TTC21A: variants seen among roughly 807,000 people sequenced by gnomAD.
TTC21A encodes tetratricopeptide repeat domain 21A, also known as tetratricopeptide repeat protein 21A.
A neutral mutation model predicts 156.4 loss-of-function variants in TTC21A; 128 were observed. The observed-to-expected ratio is 0.82, with a 90% CI of 0.71 to 0.95. The LOEUF (loss-of-function observed/expected upper bound fraction) is 0.95, where lower values mean the gene tolerates loss of function less well. Among genes scored for constraint, TTC21A ranks in the 40% least tolerant of loss-of-function variants. TTC21A has a pLI of 0.00. For synonymous variants in TTC21A, 587 were observed against 617.1 expected, an observed-to-expected ratio of 0.95 and a Z score of 0.72; for missense variants, 1,435 against 1,602.3, an observed-to-expected ratio of 0.90 and a Z score of 1.78.
Position 39,130,549 on chromosome 3 carries a change from G to A in TTC21A, c.2320-152G>A, listed in dbSNP as rs1174641443. 1.8e-6 allele frequency: 2 copies of A among 1,094,720 alleles called. No individual in the cohort carries two copies. Among genetic ancestry groups the A allele is most frequent in the South Asian group, 1.5e-5 (1 of 67,834 alleles). 67.8% of individuals were successfully genotyped at this position (1,094,720 alleles called of 1,614,324 possible). A position where few individuals can be genotyped will look rare whatever the true frequency, so the allele number is the denominator to read the frequency against. The stretch of plus-strand genomic sequence containing the variant: ...CTGACCACACCTGCTTAAGCTGAGG[G>A]TTACACCCTGTGCCAGCTGGGAGGA... On this transcript the variant is annotated intron_variant, in intron 17 of 28. Coordinates refer to ENST00000683103, the MANE Select transcript of TTC21A (RefSeq NM_001366900.1). The surrounding 1 kb of genome is among the most constrained non-coding windows in gnomAD (Gnocchi z 4.5).
chr3:39,137,720 C>T lies in TTC21A; in HGVS notation c.3675+10C>T. 6.3e-7 allele frequency: 1 copy of T among 1,599,426 alleles called. No homozygotes were observed. On this transcript the variant is annotated intron_variant, in intron 26 of 28. Coordinates refer to ENST00000683103, the MANE Select transcript of TTC21A (RefSeq NM_001366900.1). ...TGTGCAATACAACAAGGCAAGGAGC[C>T]ACACACACACTAGGGCTGCGGGATG...
Position 39,111,032 on chromosome 3 carries a change from A to G in TTC21A, c.435+15A>G, listed in dbSNP as rs748086906. 7 of 1,585,962 alleles carry G rather than the reference A, an allele frequency of 4.4e-6. No individual in the cohort carries two copies. Among genetic ancestry groups the G allele is most frequent in the Non-Finnish European group, 1.7e-6 (2 of 1,162,500 alleles). The stretch of plus-strand genomic sequence containing the variant: ...GCTTCAGAGAGGTACTTACCACACC[A>G]TGGGGACAACAGGCGAAGAAAGCAG... On this transcript the variant is annotated intron_variant, in intron 4 of 28. Coordinates refer to ENST00000683103, the MANE Select transcript of TTC21A (RefSeq NM_001366900.1).
intron 6 of TTC21A, among the ~76,000 whole-genome samples, chr3:39,115,196 G>A (rs957456975): frequency 4.6e-5 from 7 of 152,154 alleles, no homozygotes; most frequent in Non-Finnish European, 8.8e-5. Flanking sequence ...AAGTGTTTTA[G>A]CAGCAGGCTG....
In TTC21A at chr3:39,121,034, G is replaced by T. The variant is rs1476503502; in HGVS notation, c.938G>T (p.Ser313Ile). ...SHQVILGLVC[S>I]FIERTFMATP... Reference sequence around the variant, plus strand: ...CAGGTGATTCTAGGGCTAGTGTGTAGTTTCATCGAGCGCACCTTCATGGCC... The same window carrying T: ...CAGGTGATTCTAGGGCTAGTGTGTATTTTCATCGAGCGCACCTTCATGGCC... Residue 313 changes from serine to isoleucine, a missense_variant, in exon 9 of 29, where the codon AGT becomes ATT. Coordinates refer to ENST00000683103, the MANE Select transcript of TTC21A (RefSeq NM_001366900.1). The T allele has an allele frequency of 6.2e-7, 1 of 1,613,170 alleles. No homozygotes were observed. The highest frequency in any genetic ancestry group is 1.7e-5 in the Admixed American group (1 of 59,906).
rs374620536 is a variant in TTC21A, at chr3:39,137,110, C to T, written c.3257+50C>T. On this transcript the variant is annotated intron_variant, in intron 24 of 28. Transcript: ENST00000683103. The stretch of plus-strand genomic sequence containing the variant: ...GGAACCCTGGGGAAGTTACAGAAAG[C>T]CTGCAACCTCTGGGTTGAAGCCAGG... The T allele has an allele frequency of 1.8e-5, 29 of 1,602,652 alleles. No individual in the cohort carries two copies. In the African/African-American group the frequency reaches 2.8e-4, roughly 16 times the overall value.
chr3:39,126,076 A>T (rs957773306), intron 11 of TTC21A, among the ~76,000 whole-genome samples, 185 bp from the exon 12 acceptor site: 1 of 152,234 alleles, frequency 6.6e-6, no homozygotes. Flanking sequence ...CTGGGGACAC[A>T]ACAGTGAACA....
At chr3:39,108,733 A>G (rs1385717962) in intron 1 of TTC21A, among the ~76,000 whole-genome samples, 1 of 152,232 alleles carries the variant, frequency 6.6e-6, no homozygotes, top group East Asian at 1.9e-4. Context: ...TGAAGCCCAC[A>G]ATAACTTGTA....
At chr3:39,114,829 AG>A (rs2037141708) in intron 6 of TTC21A, 87 bp downstream of exon 6, 1 of 1,508,356 alleles carries the variant, frequency 6.6e-7, no homozygotes, top group Non-Finnish European at 9.1e-7. Flanking sequence ...CAAGACAGAA[AG>A]GTAAATATCG....
Position 39,130,783 on chromosome 3 carries a change from TAAAGAAGGTC to T in TTC21A, c.2405_2414del (p.Lys802IlefsTer7). 1 of 1,614,182 alleles carries T rather than the reference TAAAGAAGGTC, an allele frequency of 6.2e-7. No homozygotes were observed. Among genetic ancestry groups the T allele is most frequent in the Non-Finnish European group, 8.5e-7 (1 of 1,180,032 alleles). On this transcript the variant is annotated frameshift_variant, in exon 18 of 29. Transcript: ENST00000683103. LOFTEE classifies it high-confidence loss of function. This position sits in a 1 kb window ranked among gnomAD's most constrained non-coding sequence, Gnocchi z 4.5. ...GATCTGGGCAAACTGCTCCTGAAGT[TAAAGAAGGTC>T]AATAAAGCAGAAAAAGTTTTGAAGC...
rs564306127 is a variant in TTC21A, at chr3:39,134,799, T to C, written c.2863-294T>C. On this transcript the variant is annotated intron_variant, in intron 21 of 28. Transcript: ENST00000683103. This position sits in a 1 kb window ranked among gnomAD's most constrained non-coding sequence, Gnocchi z 4.6. ...AGAATGGGTGGAGAGGCTTCCCCTGTAGGCTGTCAAAAAGCCCCACTGGTC... is the reference window on the plus strand; with the variant it reads ...AGAATGGGTGGAGAGGCTTCCCCTGCAGGCTGTCAAAAAGCCCCACTGGTC... The C allele has an allele frequency of 7.8e-5, 42 of 538,916 alleles. No homozygotes were observed. The Middle Eastern group carries it at 1.5e-3, about 19-fold the overall frequency. 33.4% of individuals were successfully genotyped at this position (538,916 alleles called of 1,614,324 possible).
chr3:39,126,516 AC>A (rs2038267283), intron 12 of TTC21A, 126 bp downstream of exon 12: 2 of 943,692 alleles, frequency 2.1e-6, no homozygotes, highest in Non-Finnish European at 3.1e-6. Flanking sequence ...ACACACACAC[AC>A]ACACTCTCCT....
At chr3:39,114,369 C>G (rs558715523) in intron 5 of TTC21A, among the ~76,000 whole-genome samples, 1 of 152,202 alleles carries the variant, frequency 6.6e-6, no homozygotes, top group Non-Finnish European at 1.5e-5. Flanking sequence ...AGCCCCTGCT[C>G]ATCCTGTCCG....
chr3:39,108,139 A>C, intron 1 of TTC21A: 8 of 553,676 alleles, frequency 1.4e-5, no homozygotes, highest in South Asian at 9.6e-5. Flanking sequence ...CCCTTCTTCC[A>C]CCCAGCTCAC....
chr3:39,133,455 G>A (rs2038887875), intron 20 of TTC21A, among the ~76,000 whole-genome samples: 1 of 152,228 alleles, frequency 6.6e-6, no homozygotes, highest in Non-Finnish European at 1.5e-5. Context: ...TTGGAGCAAG[G>A]CTCACCATGG....
Position 39,125,330 on chromosome 3 carries a change from A to G in TTC21A, c.1192-2A>G. 1 of 1,613,632 alleles carries G rather than the reference A, an allele frequency of 6.2e-7. No homozygotes were observed. The highest frequency in any genetic ancestry group is 8.5e-7 in the Non-Finnish European group (1 of 1,179,882). ...ACTGAGACTCGGTCCTCTCTTCCAC[A>G]GGTGCTAATTTTCCTCCAAGCCCTC... On this transcript the variant is annotated splice_acceptor_variant, in intron 10 of 28. Coordinates refer to ENST00000683103, the MANE Select transcript of TTC21A (RefSeq NM_001366900.1). LOFTEE classifies it high-confidence loss of function.
intron 26 of TTC21A, 162 bp from the exon 27 acceptor site, chr3:39,138,105 C>A: frequency 1.0e-6 from 1 of 993,636 alleles, no homozygotes; most frequent in Non-Finnish European, 1.5e-6. Context: ...CAGTTGGCTT[C>A]TTGCAAAGGT....
chr3:39,135,290 C>A, intron 22 of TTC21A, 116 bp downstream of exon 22: 2 of 871,368 alleles, frequency 2.3e-6, no homozygotes, highest in Non-Finnish European at 3.8e-6. Context: ...CCCCTTCCTC[C>A]CTGATTGTTC....
chr3:39,119,080 C>CA (rs1004702964), intron 7 of TTC21A: 1 of 152,248 alleles, frequency 6.6e-6, no homozygotes, highest in African/African-American at 2.4e-5. Flanking sequence ...AAGTTAATCC[C>CA]AGGGGCAGAC....
chr3:39,130,997 G>A lies in TTC21A; in HGVS notation c.2464G>A (p.Asp822Asn). 1 of 1,613,824 alleles carries A rather than the reference G, an allele frequency of 6.2e-7. No individual in the cohort carries two copies. Among genetic ancestry groups the A allele is most frequent in the Non-Finnish European group, 8.5e-7 (1 of 1,179,950 alleles). ...TTTGAGTTTCCATTTAACAGTCCAAGACATCCCATCCATGATGAATGATGT... is the reference window on the plus strand; with the variant it reads ...TTTGAGTTTCCATTTAACAGTCCAAAACATCCCATCCATGATGAATGATGT... ...KQALEHDIVQ[D>N]IPSMMNDVKC... The change falls in exon 19 of 29, where the codon GAC becomes AAC. Residue 822 changes from aspartate (D) to asparagine (N), a missense_variant. By Grantham distance (23) the Asp-to-Asn change is conservative (BLOSUM62 1). Transcript: ENST00000683103. The surrounding 1 kb of genome is among the most constrained non-coding windows in gnomAD (Gnocchi z 4.5).
Sources: gnomAD v4.1 joint callset for allele counts (sites outside exome capture counted in the v4.1 genomes callset) on GRCh38, gnomAD v4.1.1 for gene constraint, Gnocchi (gnomAD v3.1) non-coding constraint, MANE v1.5 for transcripts, NCBI Gene and HGNC (gene_info 2026-07-23, HGNC 2026-07-21) for gene names.